Variants in PTH2R observed in about 807,000 individuals in gnomAD.
The protein encoded by PTH2R is PTH2 receptor.
A neutral mutation model predicts 60.3 loss-of-function variants in PTH2R; 59 were observed. The observed-to-expected ratio is 0.98, with a 90% CI of 0.79 to 1.22. The LOEUF (loss-of-function observed/expected upper bound fraction) is 1.22, where lower values mean the gene tolerates loss of function less well. PTH2R is among the 50% of genes most tolerant of loss of function. The probability of loss-of-function intolerance (pLI) is 0.00; values close to 1 mark genes in which losing one functional copy is unlikely to be tolerated. For missense variants in PTH2R, 749 were observed against 682.6 expected (o/e 1.10, Z -1.08); for synonymous variants, 256 against 243.8 (o/e 1.05, Z -0.47).
At chr2:208,457,628 T>C (rs1702540364) in intron 8 of PTH2R, among the ~76,000 whole-genome samples, 1 of 152,216 alleles carries the variant, frequency 6.6e-6, no homozygotes, top group Non-Finnish European at 1.5e-5. Context: ...TTTGTTTGCA[T>C]ATGCATAAAC....
chr2:208,443,505 A>C lies in PTH2R; in HGVS notation c.667A>C (p.Ile223Leu). Residue 223 changes from isoleucine to leucine, a missense_variant, in exon 6 of 13, where the codon ATT (isoleucine) becomes CTT (leucine). Transcript: ENST00000272847. ...AATGCAGGATGACCCACAAAATTCCATTGAGGCAACTTCTGTGGACAAATC... is the reference window on the plus strand; with the variant it reads ...AATGCAGGATGACCCACAAAATTCCCTTGAGGCAACTTCTGTGGACAAATC... ...LIMQDDPQNS[I>L]EATSVDKSQY... 6.2e-7 allele frequency: 1 copy of C among 1,610,558 alleles called. No individual in the cohort carries two copies. The highest frequency in any genetic ancestry group is 1.1e-5 in the South Asian group (1 of 90,174).
In PTH2R at chr2:208,493,309, G is replaced by A. The variant is rs77919204; in HGVS notation, c.1303G>A (p.Val435Met). The change falls in exon 13 of 13, where the codon GTG becomes ATG. Residue 435 changes from valine to methionine, a missense_variant. Coordinates refer to ENST00000272847, the MANE Select transcript of PTH2R (RefSeq NM_005048.4). ...KKMWSRWNLS[V>M]DWKRTPPCGS... ...GATGTGGAGTCGGTGGAACCTCTCC[G>A]TGGACTGGAAAAGGACACCGCCATG... 4,022 of 1,534,720 alleles carry A rather than the reference G, an allele frequency of 2.6e-3. 86 individuals carry two copies. In the African/African-American group the frequency reaches 0.046, roughly 18 times the overall value.
chr2:208,446,381 C>T (rs1702288670), intron 7 of PTH2R, among the ~76,000 whole-genome samples: 1 of 152,174 alleles, frequency 6.6e-6, no homozygotes, highest in Admixed American at 6.5e-5. Context: ...TCTTACCTTC[C>T]TTTACAGCTT....
intron 9 of PTH2R, chr2:208,470,039 G>C (rs1702846832): frequency 6.6e-6 from 1 of 152,226 alleles, no homozygotes; most frequent in Admixed American, 6.5e-5. Flanking sequence ...TGTCAACCAA[G>C]AGGCACTATA....
intron 8 of PTH2R, among the ~76,000 whole-genome samples, chr2:208,458,798 G>C (rs1375722215): frequency 6.6e-6 from 1 of 152,038 alleles, no homozygotes; most frequent in African/African-American, 2.4e-5. Flanking sequence ...TTTTGTGGTT[G>C]CATAATATTC....
chr2:208,455,616 A>G (rs116235561), intron 8 of PTH2R, among the ~76,000 whole-genome samples: 1 of 152,336 alleles, frequency 6.6e-6, no homozygotes, highest in African/African-American at 2.4e-5. Flanking sequence ...TGATTTCAAA[A>G]TTGCCTGATT....
At chr2:208,473,887 C>A (rs539985752) in intron 9 of PTH2R, among the ~76,000 whole-genome samples, 1 of 151,852 alleles carries the variant, frequency 6.6e-6, no homozygotes, top group East Asian at 1.9e-4. Context: ...CTGACAATAC[C>A]GGCACACAGA....
At chr2:208,428,169 T>C (rs1425782066) in intron 1 of PTH2R, 32 bp from the exon 2 acceptor site, 1 of 1,515,378 alleles carries the variant, frequency 6.6e-7, no homozygotes, top group Admixed American at 1.7e-5. Flanking sequence ...AAAAACATGA[T>C]GAAAATGTTT....
chr2:208,432,174 A>G (rs1701986493), intron 2 of PTH2R, among the ~76,000 whole-genome samples: 2 of 152,236 alleles, frequency 1.3e-5, no homozygotes, highest in African/African-American at 4.8e-5. Context: ...CTGTTGAGCT[A>G]GAAGGTATTT....
In PTH2R at chr2:208,493,615, C is replaced by T. The variant is rs1395019251; in HGVS notation, c.1609C>T (p.Pro537Ser). The change falls in exon 13 of 13, where the codon CCA (proline) becomes TCA (serine). Residue 537 changes from proline (P) to serine (S), a missense_variant. Physicochemically the swap from Pro to Ser is moderately conservative, Grantham distance 74. Coordinates refer to ENST00000272847, the MANE Select transcript of PTH2R (RefSeq NM_005048.4). Reference sequence around the variant, plus strand: ...GCCTTCCAGGCCTATGGAATCTAACCCAGACACTGAAGGATGCCAAGGAGA... The same window carrying T: ...GCCTTCCAGGCCTATGGAATCTAACTCAGACACTGAAGGATGCCAAGGAGA... ...EKPSRPMESNPDTEGCQGETE... is the reference protein window; with the variant it reads ...EKPSRPMESNSDTEGCQGETE... 1.3e-6 allele frequency: 2 copies of T among 1,582,184 alleles called. No homozygotes were observed. The highest frequency in any genetic ancestry group is 1.7e-6 in the Non-Finnish European group (2 of 1,161,496).
chr2:208,444,606 C>A, intron 6 of PTH2R, 128 bp from the exon 7 acceptor site: 1 of 734,722 alleles, frequency 1.4e-6, no homozygotes, highest in Non-Finnish European at 2.0e-6. Flanking sequence ...ACAGTTTTGA[C>A]TTTACTGTGT....
chr2:208,403,198 G>C (rs1701341859), upstream of PTH2R, among the ~76,000 whole-genome samples: 1 of 152,120 alleles, frequency 6.6e-6, no homozygotes, highest in African/African-American at 2.4e-5. Flanking sequence ...CCATGATATT[G>C]GCTAGTTCAG....
At chr2:208,424,968 C>T (rs544789136) in intron 1 of PTH2R, among the ~76,000 whole-genome samples, 1 of 152,204 alleles carries the variant, frequency 6.6e-6, no homozygotes, top group Admixed American at 6.5e-5. Context: ...GAGGCCAAGC[C>T]TGAGGCCAAG....
At chr2:208,403,431 C>A (rs1701345785), upstream of PTH2R, among the ~76,000 whole-genome samples, 2 of 152,062 alleles carry the variant, frequency 1.3e-5, no homozygotes, top group African/African-American at 4.8e-5. Context: ...TTTAGAAAGA[C>A]AAAATGGAGG....
At chr2:208,435,091 A>G (rs926943063) in intron 2 of PTH2R, among the ~76,000 whole-genome samples, 1 of 152,266 alleles carries the variant, frequency 6.6e-6, no homozygotes, top group African/African-American at 2.4e-5. Context: ...GATGCTAAGA[A>G]GTTAATTTCA....
chr2:208,427,554 C>A (rs1701881767), intron 1 of PTH2R, among the ~76,000 whole-genome samples: 1 of 152,042 alleles, frequency 6.6e-6, no homozygotes, highest in Admixed American at 6.6e-5. Context: ...CAGAAATCTC[C>A]AAAACTATAT....
Position 208,366,638 on chromosome 2 carries a change from G to A in PTH2R, c.-259+6401G>A, listed in dbSNP as rs540817394. ...CCTCAATCCCTGCTGGTGCAGCCTG[G>A]TTTATTCTGTTAATGTGCTGTACTG... On this transcript the variant is annotated intron_variant, in intron 1 of 12. Coordinates refer to the PTH2R transcript ENST00000617735. Among the ~76,000 whole-genome samples, 123 of 152,264 alleles carry A rather than the reference G, an allele frequency of 8.1e-4. 2 individuals are homozygous for A. The Middle Eastern group carries it at 0.01, about 13-fold the overall frequency.
intron 1 of PTH2R, among the ~76,000 whole-genome samples, chr2:208,419,069 A>G (rs1004569082): frequency 9.2e-5 from 14 of 152,148 alleles, no homozygotes; most frequent in Non-Finnish European, 1.5e-4. Context: ...TGGTATTTCT[A>G]GTTCTAGATT....
intron 1 of PTH2R, among the ~76,000 whole-genome samples, chr2:208,417,609 A>G (rs1412425795): frequency 1.5e-5 from 2 of 129,876 alleles, no homozygotes; most frequent in African/African-American, 2.8e-5. Context: ...CTGGAGTGCA[A>G]TGGCACAATA....
Sources: allele counts gnomAD v4.1 joint callset (sites outside exome capture counted in the v4.1 genomes callset), GRCh38; gene constraint gnomAD v4.1.1; transcripts MANE v1.5; gene names NCBI Gene and HGNC (gene_info 2026-07-23, HGNC 2026-07-21).